RYR3: variants seen among roughly 807,000 people sequenced by gnomAD.
The protein encoded by RYR3 is brain ryanodine receptor-calcium release channel.
RYR3 carries 207 observed loss-of-function variants against 584.3 expected under a neutral mutation model. That is an observed-to-expected ratio of 0.35 (90% CI 0.32 to 0.40). RYR3 has a LOEUF of 0.40. RYR3 is among the 10% of genes least tolerant of loss of function. The pLI is 1.00. For synonymous variants in RYR3, 2,416 were observed against 2,248.5 expected (o/e 1.07, Z -2.11); for missense variants, 5,616 against 6,089.2 (o/e 0.92, Z 2.59).
At chr15:33,407,322 G>A (rs1003182148) in intron 1 of RYR3, among the ~76,000 whole-genome samples, 1 of 152,212 alleles carries the variant, frequency 6.6e-6, no homozygotes, top group African/African-American at 2.4e-5. Context: ...TGTGACAGAA[G>A]AGAAGTAAAA....
chr15:33,622,328 G>T (rs567350087), intron 19 of RYR3, among the ~76,000 whole-genome samples: 5 of 152,264 alleles, frequency 3.3e-5, no homozygotes, highest in African/African-American at 9.6e-5. Flanking sequence ...CCACCTCAGA[G>T]CCTTTGCGCT....
At position 33,663,754 on chromosome 15, in the gene RYR3, A is replaced by T. The variant is rs758000320; in HGVS notation, c.5619+17A>T. 1.9e-6 allele frequency: 3 copies of T among 1,586,854 alleles called. No homozygotes were observed. Among genetic ancestry groups the T allele is most frequent in the Non-Finnish European group, 2.6e-6 (3 of 1,166,890 alleles). On this transcript the variant is annotated intron_variant, in intron 36 of 103. Transcript: ENST00000634891. ...CAGGAGCAGGTGAGGGTCCTTCCTG[A>T]GCCTCTGTCCAGTTCCTATGGAAGA...
chr15:33,836,829 C>A, intron 87 of RYR3, 77 bp from the exon 88 acceptor site: 2 of 1,145,690 alleles, frequency 1.7e-6, no homozygotes, highest in Non-Finnish European at 2.6e-6. Context: ...CTTTCCAGAG[C>A]AGGCTCTTCT....
chr15:33,732,280 C>T lies in RYR3; in HGVS notation c.7424+586C>T, dbSNP rs572535156. On this transcript the variant is annotated intron_variant, in intron 48 of 103. Transcript: ENST00000634891. Reference sequence around the variant, plus strand: ...GCAGACGCCTGTAGTCCCAGCTACTCGGGAGGCTGAGGCAGGAGAATGGCG... The same window carrying T: ...GCAGACGCCTGTAGTCCCAGCTACTTGGGAGGCTGAGGCAGGAGAATGGCG... 4.0e-5 allele frequency among the ~76,000 whole-genome samples: 6 copies of T among 150,466 alleles called. No homozygotes were observed. In the South Asian group the frequency reaches 8.6e-4, roughly 21 times the overall value.
intron 42 of RYR3, among the ~76,000 whole-genome samples, chr15:33,705,301 G>A (rs1306746076): frequency 6.6e-6 from 1 of 152,134 alleles, no homozygotes; most frequent in African/African-American, 2.4e-5. Context: ...AAAGTGTGGT[G>A]ATAGATTCTT....
intron 98 of RYR3, chr15:33,855,974 G>A (rs1231106200): frequency 6.6e-6 from 1 of 152,168 alleles, no homozygotes; most frequent in Non-Finnish European, 1.5e-5. Context: ...TTGTACGGGA[G>A]AGGGAGAAAA....
At chr15:33,422,672 A>G (rs937111624) in intron 1 of RYR3, among the ~76,000 whole-genome samples, 1 of 152,130 alleles carries the variant, frequency 6.6e-6, no homozygotes, top group African/African-American at 2.4e-5. Flanking sequence ...AACCTCGCAC[A>G]TCCTGGGACT....
At chr15:33,588,474 A>T (rs1247500276) in intron 16 of RYR3, among the ~76,000 whole-genome samples, 2 of 152,168 alleles carry the variant, frequency 1.3e-5, no homozygotes, top group Non-Finnish European at 2.9e-5. Context: ...TTTTATTTAT[A>T]AAAAAATAAG....
At chr15:33,502,159 G>T (rs2052045147) in intron 2 of RYR3, among the ~76,000 whole-genome samples, 1 of 152,124 alleles carries the variant, frequency 6.6e-6, no homozygotes, top group Admixed American at 6.6e-5. Context: ...TCCATTACTG[G>T]CTTAAAACTT....
intron 2 of RYR3, among the ~76,000 whole-genome samples, chr15:33,492,479 C>T (rs1008412386): frequency 2.0e-5 from 3 of 147,450 alleles, no homozygotes; most frequent in Non-Finnish European, 4.5e-5. Context: ...AAAAAAAATG[C>T]CATGTAGGAG....
chr15:33,829,697 G>A, intron 85 of RYR3, among the ~76,000 whole-genome samples: 1 of 151,390 alleles, frequency 6.6e-6, no homozygotes, highest in Non-Finnish European at 1.5e-5. Context: ...AGCTTGCAGT[G>A]AGCCAGATTG....
At chr15:33,392,525 G>A (rs2042068238) in intron 1 of RYR3, among the ~76,000 whole-genome samples, 1 of 151,988 alleles carries the variant, frequency 6.6e-6, no homozygotes. Context: ...TGGAGAACAT[G>A]CCTCAGAGTT....
chr15:33,463,033 G>A (rs577038986), intron 1 of RYR3, among the ~76,000 whole-genome samples: 2 of 151,958 alleles, frequency 1.3e-5, no homozygotes, highest in Non-Finnish European at 2.9e-5. Flanking sequence ...TTAGCCAGGC[G>A]CACCTTGCCT....
chr15:33,726,472 C>A lies in RYR3; in HGVS notation c.6999C>A (p.Ile2333=). 6.2e-7 allele frequency: 1 copy of A among 1,605,124 alleles called. No individual in the cohort carries two copies. Among genetic ancestry groups the A allele is most frequent in the Non-Finnish European group, 8.5e-7 (1 of 1,175,678 alleles). The change falls in exon 46 of 104, where the codon ATC becomes ATA. Residue 2333 remains isoleucine (I), a synonymous_variant. Transcript: ENST00000634891. ...CCACAGAAGACCTGGTTGGGATCAT[C>A]AGCATCCCCTTGAAACTGCCCTCCC... ...LVPTEDLVGI[I]SIPLKLPSLN...
At chr15:33,802,145 C>G (rs747376790) in intron 69 of RYR3, 184 bp downstream of exon 69, 1 of 743,072 alleles carries the variant, frequency 1.3e-6, no homozygotes, top group Admixed American at 1.7e-5. Context: ...TAAGCATGGT[C>G]ATCACATTTT....
intron 1 of RYR3, among the ~76,000 whole-genome samples, chr15:33,441,658 A>G (rs2046245052): frequency 6.6e-6 from 1 of 152,214 alleles, no homozygotes; most frequent in South Asian, 2.1e-4. Flanking sequence ...CATTAAGCTT[A>G]CAAAATGTTC....
At chr15:33,333,116 G>A (rs1334768193) in intron 1 of RYR3, among the ~76,000 whole-genome samples, 2 of 143,436 alleles carry the variant, frequency 1.4e-5, no homozygotes, top group East Asian at 4.1e-4. Context: ...ATTCACAGCT[G>A]AATTCTGCCA....
intron 10 of RYR3, among the ~76,000 whole-genome samples, chr15:33,551,763 T>C (rs982877053): frequency 6.6e-6 from 1 of 152,178 alleles, no homozygotes; most frequent in African/African-American, 2.4e-5. Context: ...TTTTTTTAGA[T>C]TCCCAGCACA....
chr15:33,748,475 G>A lies in RYR3; in HGVS notation c.8144G>A (p.Ser2715Asn). 6.8e-6 allele frequency: 11 copies of A among 1,613,366 alleles called. No individual in the cohort carries two copies. The highest frequency in any genetic ancestry group is 9.3e-6 in the Non-Finnish European group (11 of 1,179,700). Residue 2715 changes from serine to asparagine, a missense_variant, in exon 55 of 104, where the codon AGC (serine) becomes AAC (asparagine). Physicochemically the swap from Ser to Asn is conservative, Grantham distance 46. Transcript: ENST00000634891. The stretch of plus-strand genomic sequence containing the variant: ...CTGCCTTTGCTTTCCTAGGGCAACA[G>A]CTACAGTCCTGCTCCCCTCGACCTC... ...RSVSQANQGNSYSPAPLDLSN... is the reference protein window; with the variant it reads ...RSVSQANQGNNYSPAPLDLSN...
Sources: allele counts gnomAD v4.1 joint callset (sites outside exome capture counted in the v4.1 genomes callset), GRCh38; gene constraint gnomAD v4.1.1; transcripts MANE v1.5; gene names NCBI Gene and HGNC (gene_info 2026-07-23, HGNC 2026-07-21).